Variants in CELF2 observed in about 807,000 individuals in gnomAD.
CELF2 encodes CUGBP Elav-like family member 2, also known as CUG triplet repeat RNA-binding protein 2.
Under a neutral mutation model 62.6 loss-of-function variants are expected in CELF2, and 8 were observed. That is an observed-to-expected ratio of 0.13 (90% confidence interval 0.07 to 0.23). The LOEUF is 0.23. Ranked by LOEUF, CELF2 falls within the 10% of genes least tolerant of loss-of-function variation. CELF2 has a pLI of 1.00. For synonymous variants in CELF2, 258 were observed against 250.0 expected (o/e 1.03, Z -0.30); for missense variants, 333 against 671.0 (o/e 0.50, Z 5.56).
chr10:10,880,757 TG>T (rs1415028077), intron 1 of CELF2, among the ~76,000 whole-genome samples: 11 of 152,320 alleles, frequency 7.2e-5, no homozygotes, highest in African/African-American at 2.6e-4. Flanking sequence ...TGAAACAGGA[TG>T]TTTTTTGTCT....
chr10:10,699,672 A>G, the CELF2 span, among the ~76,000 whole-genome samples: 1 of 152,182 alleles, frequency 6.6e-6, no homozygotes, highest in Admixed American at 6.5e-5. Context: ...TGGCTTGTAC[A>G]TTTGAGGAAC....
intron 1 of CELF2, among the ~76,000 whole-genome samples, chr10:10,905,100 A>C (rs1366214941): frequency 6.6e-6 from 1 of 152,218 alleles, no homozygotes; most frequent in Admixed American, 6.5e-5. Flanking sequence ...AAGTTTCCAC[A>C]TCTGAAGAAT....
chr10:11,186,612 T>C (rs2075001873), intron 2 of CELF2, among the ~76,000 whole-genome samples: 1 of 152,222 alleles, frequency 6.6e-6, no homozygotes, highest in Non-Finnish European at 1.5e-5. Context: ...ATTTAGTTTC[T>C]AAATACAGAT....
intron 2 of CELF2, among the ~76,000 whole-genome samples, chr10:10,986,052 T>G (rs560842152): frequency 1.1e-3 from 163 of 152,346 alleles, no homozygotes; most frequent in African/African-American, 3.8e-3. Flanking sequence ...AACCATTCAT[T>G]TATCTATTTG....
At chr10:11,043,478 G>T (rs1305566971) in intron 1 of CELF2, among the ~76,000 whole-genome samples, 1 of 152,096 alleles carries the variant, frequency 6.6e-6, no homozygotes, top group Non-Finnish European at 1.5e-5. Flanking sequence ...CCTCAACCTT[G>T]CCCTGAACAC....
chr10:11,165,195 C>T lies in CELF2; in HGVS notation c.75-291C>T, dbSNP rs1596458442. The T allele has an allele frequency of 1.7e-5, 21 of 1,247,762 alleles. No homozygotes were observed. The East Asian group carries it at 7.3e-4, about 44-fold the overall frequency. The allele number at this position is 1,247,762 out of a possible 1,614,324, so 77.3% of individuals were successfully genotyped here. On this transcript the variant is annotated intron_variant, in intron 1 of 12. Coordinates refer to ENST00000633077, the MANE Select transcript of CELF2 (RefSeq NM_001326342.2). This position sits in a 1 kb window ranked among gnomAD's most constrained non-coding sequence, Gnocchi z 7.4. Reference sequence around the variant, plus strand: ...ACCTGCACTTAACTTGCAGCTGCCTCCCGAGCCTCCAAGATGTCCACGCCC... The same window carrying T: ...ACCTGCACTTAACTTGCAGCTGCCTTCCGAGCCTCCAAGATGTCCACGCCC...
intron 2 of CELF2, among the ~76,000 whole-genome samples, chr10:10,986,972 C>T (rs2052833359): frequency 6.6e-6 from 1 of 152,184 alleles, no homozygotes; most frequent in African/African-American, 2.4e-5. Flanking sequence ...GTCTGCTGTA[C>T]AAGTGTATAA....
Position 11,010,421 on chromosome 10 carries a change from G to A in CELF2, c.53+4981G>A, listed in dbSNP as rs760635710. Among the ~76,000 whole-genome samples, 5 of 152,070 alleles carry A rather than the reference G, an allele frequency of 3.3e-5. No individual in the cohort carries two copies. The highest frequency in any genetic ancestry group is 6.5e-5 in the Admixed American group (1 of 15,274). ...CTTCTCTCTTCCTTTCCAACTGCCC[G>A]TTGTAGGTTTTAACAAAGATAGGGG... On this transcript the variant is annotated intron_variant, in intron 1 of 12. Coordinates refer to the CELF2 transcript ENST00000416382. This position sits in a 1 kb window ranked among gnomAD's most constrained non-coding sequence, Gnocchi z 4.1.
At chr10:11,323,750 G>A (rs937165083) in intron 11 of CELF2, among the ~76,000 whole-genome samples, 10 of 152,282 alleles carry the variant, frequency 6.6e-5, no homozygotes, top group East Asian at 5.8e-4. Context: ...TGACAGTAAC[G>A]TGCACTGGGA....
chr10:11,070,850 C>A (rs1263754151), intron 1 of CELF2, among the ~76,000 whole-genome samples: 1 of 152,006 alleles, frequency 6.6e-6, no homozygotes, highest in Non-Finnish European at 1.5e-5. Flanking sequence ...AACGAAAGAA[C>A]AAAAGTTTTG....
rs75165270 is a variant in CELF2, at chr10:11,113,576, C to T, written c.75-51910C>T. Among the ~76,000 whole-genome samples, 61 of 152,288 alleles carry T rather than the reference C, an allele frequency of 4.0e-4. No homozygotes were observed. In the East Asian group the frequency reaches 0.011, roughly 28 times the overall value. ...GAGAGAAGGTCTTCTATGTTTGCCC[C>T]TTTAAATATACGTGGGATACTAAAA... is the stretch of plus-strand genomic sequence containing the variant. On this transcript the variant is annotated intron_variant, in intron 1 of 12. Coordinates refer to ENST00000633077, the MANE Select transcript of CELF2 (RefSeq NM_001326342.2).
intron 2 of CELF2, among the ~76,000 whole-genome samples, chr10:10,941,288 G>T (rs756818897): frequency 2.2e-4 from 34 of 151,992 alleles, no homozygotes; most frequent in Non-Finnish European, 5.9e-5. Context: ...CTGCCCCCAG[G>T]GTCCTGATGC....
chr10:10,579,122 G>A, the CELF2 span, among the ~76,000 whole-genome samples: 3 of 152,090 alleles, frequency 2.0e-5, no homozygotes, highest in Non-Finnish European at 2.9e-5. Context: ...GAAGAAAAAA[G>A]GGTATAAAAG....
intron 8 of CELF2, among the ~76,000 whole-genome samples, chr10:11,281,763 T>C (rs1055542143): frequency 1.3e-5 from 2 of 152,204 alleles, no homozygotes; most frequent in South Asian, 2.1e-4. Flanking sequence ...ATATGTATGT[T>C]AATTGCCAAA....
chr10:11,228,353 AT>A (rs1222850873), intron 3 of CELF2, among the ~76,000 whole-genome samples: 1 of 152,208 alleles, frequency 6.6e-6, no homozygotes, highest in Non-Finnish European at 1.5e-5. Flanking sequence ...TAAGGTAGTA[AT>A]TTGTCTTCCT....
intron 8 of CELF2, among the ~76,000 whole-genome samples, chr10:11,276,281 G>A (rs946017200): frequency 2.0e-5 from 3 of 152,038 alleles, no homozygotes; most frequent in Non-Finnish European, 2.9e-5. Context: ...GGTCTTCCTT[G>A]GCCTGTAGTA....
the CELF2 span, among the ~76,000 whole-genome samples, chr10:10,675,655 CTT>C: frequency 1.3e-5 from 2 of 150,620 alleles, no homozygotes; most frequent in African/African-American, 4.9e-5. Flanking sequence ...TTTTATCAGT[CTT>C]TGTTCTCTTT....
At chr10:10,796,721 C>T (rs1322949059), upstream of CELF2, among the ~76,000 whole-genome samples, 1 of 152,338 alleles carries the variant, frequency 6.6e-6, no homozygotes, top group South Asian at 2.1e-4. Flanking sequence ...GCACCCGGAA[C>T]CCTTTGGAGG....
intron 3 of CELF2, among the ~76,000 whole-genome samples, chr10:11,240,533 C>G (rs2073466309): frequency 6.6e-6 from 1 of 152,220 alleles, no homozygotes; most frequent in Admixed American, 6.5e-5. Context: ...TGGATCCAAG[C>G]ATAGATTTAG....
Sources: allele counts gnomAD v4.1 joint callset (sites outside exome capture counted in the v4.1 genomes callset), GRCh38; gene constraint gnomAD v4.1.1; non-coding constraint Gnocchi (gnomAD v3.1); transcripts MANE v1.5; gene names NCBI Gene and HGNC (gene_info 2026-07-23, HGNC 2026-07-21).